The following STK33 variants were observed in gnomAD, a reference collection of about 807,000 sequenced individuals.
STK33 encodes serine/threonine-protein kinase 33.
A neutral mutation model predicts 58.0 loss-of-function variants in STK33; 52 were observed. The observed-to-expected ratio is 0.90, with a 90% CI of 0.72 to 1.13. The LOEUF is 1.13. Ranked by LOEUF, STK33 falls within the 50% of genes most tolerant of loss-of-function variation. The probability of loss-of-function intolerance (pLI) is 0.00; values close to 1 mark genes in which losing one functional copy is unlikely to be tolerated. For missense variants in STK33, 630 were observed against 604.2 expected, an observed-to-expected ratio of 1.04 and a Z score of -0.45; for synonymous variants, 215 against 200.1, an observed-to-expected ratio of 1.07 and a Z score of -0.63.
intron 1 of STK33, among the ~76,000 whole-genome samples, chr11:8,526,391 CAA>C (rs930246455): frequency 7.5e-6 from 1 of 133,130 alleles, no homozygotes; most frequent in Non-Finnish European, 1.6e-5. Flanking sequence ...AACTCGATCT[CAA>C]AAAAAAAAAA....
At chr11:8,411,603 T>C (rs1281688543) in intron 15 of STK33, among the ~76,000 whole-genome samples, 2 of 152,174 alleles carry the variant, frequency 1.3e-5, no homozygotes, top group African/African-American at 4.8e-5. Flanking sequence ...TTAGAGGACA[T>C]CAAGGGAAGA....
the STK33 span, among the ~76,000 whole-genome samples, chr11:8,371,851 TTCCC>T: frequency 1.7e-4 from 22 of 126,984 alleles, no homozygotes; most frequent in African/African-American, 4.9e-4. Context: ...TCCTCCTTCC[TTCCC>T]TCCCTCCCTC....
intron 14 of STK33, among the ~76,000 whole-genome samples, chr11:8,424,092 C>G (rs1180988984): frequency 2.0e-5 from 3 of 151,564 alleles, no homozygotes; most frequent in African/African-American, 7.3e-5. Flanking sequence ...CACCCATTAA[C>G]TCATCATTTA....
intron 1 of STK33, among the ~76,000 whole-genome samples, chr11:8,587,208 G>GT (rs998226804): frequency 6.6e-6 from 1 of 152,084 alleles, no homozygotes; most frequent in African/African-American, 2.4e-5. Flanking sequence ...ACTCTATGGA[G>GT]TTTTTTTAAT....
chr11:8,390,583 G>A (rs1290201692), downstream of STK33, among the ~76,000 whole-genome samples: 1 of 152,168 alleles, frequency 6.6e-6, no homozygotes, highest in East Asian at 1.9e-4. Context: ...CAAAAATGAT[G>A]TGGAAATTCT....
intron 15 of STK33, among the ~76,000 whole-genome samples, chr11:8,412,350 T>A (rs951423279): frequency 1.3e-5 from 2 of 152,186 alleles, no homozygotes; most frequent in African/African-American, 2.4e-5. Flanking sequence ...GAAAAAGAAT[T>A]CAATGAGCTT....
intron 15 of STK33, among the ~76,000 whole-genome samples, chr11:8,410,949 T>C (rs1350634443): frequency 6.6e-6 from 1 of 152,260 alleles, no homozygotes; most frequent in Non-Finnish European, 1.5e-5. Context: ...ACTTTAATTA[T>C]GGACATTCAT....
At chr11:8,352,403 G>T in the STK33 span, among the ~76,000 whole-genome samples, 1 of 152,114 alleles carries the variant, frequency 6.6e-6, no homozygotes, top group Non-Finnish European at 1.5e-5. Context: ...GCCCCAAGGG[G>T]CTCAGTGAGT....
chr11:8,559,277 C>G (rs1956971047), intron 1 of STK33, among the ~76,000 whole-genome samples: 1 of 152,182 alleles, frequency 6.6e-6, no homozygotes, highest in African/African-American at 2.4e-5. Flanking sequence ...CATATTATGA[C>G]AACCAAAGCA....
chr11:8,553,527 ATGT>A (rs1402515816), intron 1 of STK33, among the ~76,000 whole-genome samples: 2 of 151,908 alleles, frequency 1.3e-5, no homozygotes. Context: ...ACTGACCAAA[ATGT>A]TGTTATACGC....
intron 14 of STK33, among the ~76,000 whole-genome samples, chr11:8,424,985 T>C (rs1942521780): frequency 7.3e-6 from 1 of 136,784 alleles, no homozygotes; most frequent in Non-Finnish European, 1.6e-5. Context: ...AGCTCTTCAG[T>C]TTAATTAGAT....
chr11:8,543,160 C>T (rs1955655789), intron 1 of STK33, among the ~76,000 whole-genome samples: 1 of 152,094 alleles, frequency 6.6e-6, no homozygotes, highest in Admixed American at 6.5e-5. Context: ...AATCACATGT[C>T]CATTAAGGAT....
In STK33 at chr11:8,478,245, T is replaced by C. The variant is rs375376811; in HGVS notation, c.-260-962A>G. Among the ~76,000 whole-genome samples the C allele has an allele frequency of 1.9e-3, 295 of 152,304 alleles. 2 individuals are homozygous for C. The highest frequency in any genetic ancestry group is 6.7e-3 in the African/African-American group (280 of 41,594). ...AAACTTATGTAAACACAAAGATTAA[T>C]AGCTCTTTTTCTATAGAATCATGGA... On this transcript the variant is annotated intron_variant, in intron 2 of 15. Coordinates refer to ENST00000687296, the MANE Select transcript of STK33 (RefSeq NM_001352389.2).
the STK33 span, among the ~76,000 whole-genome samples, chr11:8,340,694 T>G: frequency 6.6e-6 from 1 of 152,020 alleles, no homozygotes; most frequent in African/African-American, 2.4e-5. Context: ...CTGATCCCCA[T>G]CTGAGTGATG....
chr11:8,403,698 T>A (rs1463865097), intron 15 of STK33, among the ~76,000 whole-genome samples: 1 of 152,216 alleles, frequency 6.6e-6, no homozygotes, highest in Non-Finnish European at 1.5e-5. Context: ...TGTAATTCAG[T>A]ACCCTTGGCC....
At chr11:8,502,195 C>T (rs1216112954) in intron 1 of STK33, among the ~76,000 whole-genome samples, 1 of 151,926 alleles carries the variant, frequency 6.6e-6, no homozygotes, top group Non-Finnish European at 1.5e-5. Context: ...TAAAAATTTG[C>T]CAAAATTAAT....
At chr11:8,507,107 T>C (rs948546742) in intron 1 of STK33, among the ~76,000 whole-genome samples, 2 of 152,108 alleles carry the variant, frequency 1.3e-5, no homozygotes, top group Non-Finnish European at 2.9e-5. Flanking sequence ...TTTCCAGATT[T>C]ACCTAATTTC....
chr11:8,534,532 T>TTCTCTC lies in STK33; in HGVS notation c.-465-53924_-465-53919dup, dbSNP rs61429377. Among the ~76,000 whole-genome samples the TTCTCTC allele has an allele frequency of 1.6e-4, 20 of 122,516 alleles. No individual in the cohort carries two copies. The South Asian group carries it at 1.8e-3, about 11-fold the overall frequency. The allele number at this position is 122,516 out of a possible 152,430, so 80.4% of individuals were successfully genotyped here. A position where few individuals can be genotyped will look rare whatever the true frequency, so the allele number is the denominator to read the frequency against. ...AACTTGTTCCAGCAAGTATATATAT[T>TTCTCTC]TCTCTCTCTCTCTCTCTCTCTCTCT... is the stretch of plus-strand genomic sequence containing the variant. On this transcript the variant is annotated intron_variant, in intron 1 of 15. Transcript: ENST00000687296.
chr11:8,511,344 G>C (rs750870926), intron 1 of STK33, among the ~76,000 whole-genome samples: 37 of 152,156 alleles, frequency 2.4e-4, no homozygotes, highest in Non-Finnish European at 5.0e-4. Flanking sequence ...TTTGTATCCT[G>C]AGACTTTACT....
Sources: gnomAD v4.1 joint callset for allele counts (sites outside exome capture counted in the v4.1 genomes callset) on GRCh38, gnomAD v4.1.1 for gene constraint, MANE v1.5 for transcripts, NCBI Gene and HGNC (gene_info 2026-07-23, HGNC 2026-07-21) for gene names.